Variants in MAN2C1 observed in about 807,000 individuals in gnomAD.
MAN2C1 encodes mannosidase alpha class 2C member 1.
In MAN2C1, 111 loss-of-function variants were observed where a neutral mutation model predicts 126.9. The ratio of observed to expected loss-of-function variants is 0.87; its 90% CI spans 0.75 to 1.02. The LOEUF is 1.02. MAN2C1 is among the 50% of genes least tolerant of loss of function. The pLI, the probability that MAN2C1 is intolerant of heterozygous loss-of-function variation, is 0.00. For missense variants in MAN2C1, 1,363 were observed against 1,364.4 expected (o/e 1.00, Z 0.02); for synonymous variants, 567 against 561.5 (o/e 1.01, Z -0.14).
rs374480499 is a variant in MAN2C1, at chr15:75,358,446, C to T, written c.2403+16G>A. On this transcript the variant is annotated intron_variant, in intron 20 of 25. Transcript: ENST00000267978. Reference sequence around the variant, plus strand: ...GCACACTTGGGGAAAACAGCCACCCCCTACCCCCCGACTACCTCGGTGTGG... The same window carrying T: ...GCACACTTGGGGAAAACAGCCACCCTCTACCCCCCGACTACCTCGGTGTGG... 184 of 1,613,278 alleles carry T rather than the reference C, an allele frequency of 1.1e-4. No individual in the cohort carries two copies. Among genetic ancestry groups the T allele is most frequent in the Non-Finnish European group, 1.4e-4 (170 of 1,179,824 alleles).
intron 4 of MAN2C1, 22 bp from the exon 5 acceptor site, chr15:75,364,687 C>A: frequency 6.3e-7 from 1 of 1,593,904 alleles, no homozygotes; most frequent in Non-Finnish European, 8.6e-7. Context: ...GGGAGACAGC[C>A]TCAGGCTAAG....
In MAN2C1 at chr15:75,361,125, A is replaced by C. The variant is rs933538196; in HGVS notation, c.1381T>G (p.Phe461Val). The change falls in exon 12 of 26, where the codon TTT becomes GTT. Residue 461 changes from phenylalanine (F) to valine (V), a missense_variant. Phe to Val is a conservative substitution (Grantham distance 50). Coordinates refer to ENST00000267978, the MANE Select transcript of MAN2C1 (RefSeq NM_006715.4). The surrounding 1 kb of genome is among the most constrained non-coding windows in gnomAD (Gnocchi z 5.0). ...RANHSAFLFGFGDGGGGPTQT... is the reference protein window; with the variant it reads ...RANHSAFLFGVGDGGGGPTQT... ...GTGGGGCCACCACCCCCATCCCCAAAGCCAAAGAGGAAGGCACTGTGGTTG... is the reference window on the plus strand; with the variant it reads ...GTGGGGCCACCACCCCCATCCCCAACGCCAAAGAGGAAGGCACTGTGGTTG... 6.2e-7 allele frequency: 1 copy of C among 1,613,306 alleles called. No homozygotes were observed. The highest frequency in any genetic ancestry group is 8.5e-7 in the Non-Finnish European group (1 of 1,179,818).
rs559602868 is a variant in MAN2C1 at position 75,357,043 on chromosome 15, G to A, written c.2548-141C>T. On this transcript the variant is annotated intron_variant, in intron 21 of 25. Transcript: ENST00000267978. ...CAGCTCCCACTGTACGGGGCCCTGG[G>A]CATGCCACCCAACCTGCCTAAGCCT... 12 of 648,010 alleles carry A rather than the reference G, an allele frequency of 1.9e-5. No individual in the cohort carries two copies. The Admixed American group carries it at 3.0e-4, about 16-fold the overall frequency. 40.1% of individuals were successfully genotyped at this position (648,010 alleles called of 1,614,324 possible). A position where few individuals can be genotyped will look rare whatever the true frequency, so the allele number is the denominator to read the frequency against.
At chr15:75,359,248 C>T in intron 17 of MAN2C1, 80 bp downstream of exon 17, 1 of 1,595,318 alleles carries the variant, frequency 6.3e-7, no homozygotes, top group South Asian at 1.1e-5. Context: ...CCACTTGCTC[C>T]AGACAGGGGA....
In MAN2C1 at chr15:75,358,444, C is replaced by T. The variant is rs776949552; in HGVS notation, c.2403+18G>A. On this transcript the variant is annotated intron_variant, in intron 20 of 25. Transcript: ENST00000267978. ...AAGCACACTTGGGGAAAACAGCCACCCCCTACCCCCCGACTACCTCGGTGT... is the reference window on the plus strand; with the variant it reads ...AAGCACACTTGGGGAAAACAGCCACTCCCTACCCCCCGACTACCTCGGTGT... The T allele has an allele frequency of 6.9e-5, 111 of 1,613,278 alleles. 2 individuals carry two copies. In the South Asian group the frequency reaches 9.0e-4, roughly 13 times the overall value.
Position 75,362,611 on chromosome 15 carries a change from T to C in MAN2C1, c.897+31A>G. 1 of 1,604,518 alleles carries C rather than the reference T, an allele frequency of 6.2e-7. No homozygotes were observed. Among genetic ancestry groups the C allele is most frequent in the East Asian group, 2.2e-5 (1 of 44,812 alleles). On this transcript the variant is annotated intron_variant, in intron 7 of 25. Coordinates refer to ENST00000267978, the MANE Select transcript of MAN2C1 (RefSeq NM_006715.4). The surrounding 1 kb of genome is among the most constrained non-coding windows in gnomAD (Gnocchi z 4.5). ...TGGAGCTCCAGGGAGGGCCACGTGC[T>C]TCCCTCCTCCCTCACAGCTGTCCCT...
chr15:75,356,858 C>T lies in MAN2C1; in HGVS notation c.2592G>A (p.Gly864=). The T allele has an allele frequency of 6.2e-7, 1 of 1,614,174 alleles. No homozygotes were observed. The highest frequency in any genetic ancestry group is 1.1e-5 in the South Asian group (1 of 91,092). The change falls in exon 22 of 26, where the codon GGG becomes GGA. Residue 864 remains glycine (G), a synonymous_variant. Transcript: ENST00000267978. The surrounding 1 kb of genome is among the most constrained non-coding windows in gnomAD (Gnocchi z 5.8). ...RWMDLSEHGF[G]LALLNDCKYG... is the part of the protein sequence containing the mutation. The stretch of plus-strand genomic sequence containing the variant: ...ACTTGCAGTCGTTGAGCAGGGCCAG[C>T]CCAAAGCCGTGTTCTGACAGATCCA...
At chr15:75,363,445 G>C (rs1018852455) in intron 6 of MAN2C1, among the ~76,000 whole-genome samples, 15 of 152,150 alleles carry the variant, frequency 9.9e-5, no homozygotes, top group Non-Finnish European at 8.8e-5. Flanking sequence ...TCTGCCTGCT[G>C]AATCTGTCTC....
intron 4 of MAN2C1, chr15:75,365,912 C>T (rs1406854802): frequency 4.6e-6 from 2 of 438,838 alleles, no homozygotes; most frequent in Non-Finnish European, 9.0e-6. Flanking sequence ...CGGTGAAACC[C>T]TTTCTCTACC....
At chr15:75,359,303 G>A (rs749405844) in intron 17 of MAN2C1, 25 bp downstream of exon 17, 20 of 1,576,278 alleles carry the variant, frequency 1.3e-5, no homozygotes, top group Admixed American at 5.3e-5. Flanking sequence ...CACAGTTCCT[G>A]CCCCCCAGGG....
At position 75,356,647 on chromosome 15, in the gene MAN2C1, G is replaced by A. The variant is rs779310828; in HGVS notation, c.2696C>T (p.Thr899Met). The A allele has an allele frequency of 1.0e-5, 16 of 1,576,056 alleles. No homozygotes were observed. Among genetic ancestry groups the A allele is most frequent in the East Asian group, 2.3e-5 (1 of 42,812 alleles). Reference protein sequence around the residue: ...APKAPDATADTGRHEFTYALM... With the variant: ...APKAPDATADMGRHEFTYALM... ...TGCATAGGTGAACTCGTGGCGCCCCGTGTCAGCAGTAGCGTCCGGGGCTTT... is the reference window on the plus strand; with the variant it reads ...TGCATAGGTGAACTCGTGGCGCCCCATGTCAGCAGTAGCGTCCGGGGCTTT... Residue 899 changes from threonine (T) to methionine (M), a missense_variant, in exon 23 of 26, where the codon ACG becomes ATG. Around this residue, in one of 3 missense-constraint regions of MAN2C1, gnomAD observed 668 missense variants for 650.1 expected, o/e 1.03. Transcript: ENST00000267978. The surrounding 1 kb of genome is among the most constrained non-coding windows in gnomAD (Gnocchi z 5.8).
chr15:75,356,979 T>C lies in MAN2C1; in HGVS notation c.2548-77A>G. ...TCCCAGACTCCAGAGCTCCTGTCAC[T>C]AGGCCGAGCACAAGCTCTAGAACCA... is the stretch of plus-strand genomic sequence containing the variant. On this transcript the variant is annotated intron_variant, in intron 21 of 25. Coordinates refer to ENST00000267978, the MANE Select transcript of MAN2C1 (RefSeq NM_006715.4). This position sits in a 1 kb window ranked among gnomAD's most constrained non-coding sequence, Gnocchi z 5.8. 8.3e-7 allele frequency: 1 copy of C among 1,206,238 alleles called. No individual in the cohort carries two copies. The highest frequency in any genetic ancestry group is 1.5e-5 in the African/African-American group (1 of 67,380). The allele number at this position is 1,206,238 out of a possible 1,614,324, so 74.7% of individuals were successfully genotyped here. A position where few individuals can be genotyped will look rare whatever the true frequency, so the allele number is the denominator to read the frequency against.
chr15:75,358,364 T>G lies in MAN2C1; in HGVS notation c.2404-20A>C, dbSNP rs1408695871. The G allele has an allele frequency of 3.7e-6, 6 of 1,613,560 alleles. No individual in the cohort carries two copies. Among genetic ancestry groups the G allele is most frequent in the Non-Finnish European group, 5.1e-6 (6 of 1,179,918 alleles). On this transcript the variant is annotated intron_variant, in intron 20 of 25. Coordinates refer to ENST00000267978, the MANE Select transcript of MAN2C1 (RefSeq NM_006715.4). ...GTGTACCTGGGAGTGGGAAGGAGGG[T>G]GGGAGTCAGGGAAGGAAGAGACACA...
intron 3 of MAN2C1, 38 bp downstream of exon 3, chr15:75,367,473 A>G (rs1467132317): frequency 1.2e-6 from 2 of 1,608,556 alleles, no homozygotes; most frequent in Admixed American, 1.7e-5. Context: ...TCAGGGCTGA[A>G]ATGTGGCCAT....
In MAN2C1 at chr15:75,362,680, T is replaced by G; in HGVS notation, c.859A>C (p.Met287Leu). 8 of 1,614,128 alleles carry G rather than the reference T, an allele frequency of 5.0e-6. No homozygotes were observed. Among genetic ancestry groups the G allele is most frequent in the Non-Finnish European group, 6.8e-6 (8 of 1,180,010 alleles). The change falls in exon 7 of 26, where the codon ATG becomes CTG. Residue 287 changes from methionine to leucine, a missense_variant. Transcript: ENST00000267978. The surrounding 1 kb of genome is among the most constrained non-coding windows in gnomAD (Gnocchi z 4.5). ...ARSWVTALQL[M>L]ERNPEFIFAC... is the part of the protein sequence containing the mutation. ...AAGATGAACTCAGGGTTCCGCTCCA[T>G]GAGCTGCAGGGCGGTCACCCAGCTC... is the stretch of plus-strand genomic sequence containing the variant.
In MAN2C1 at chr15:75,359,901, AC is replaced by A. The variant is rs1239371864; in HGVS notation, c.1792+1del. 1 of 1,612,118 alleles carries A rather than the reference AC, an allele frequency of 6.2e-7. No homozygotes were observed. The highest frequency in any genetic ancestry group is 8.5e-7 in the Non-Finnish European group (1 of 1,179,060). ...AGCAGGCAGGACTATTGTGAGCCTAACCTTCATAATGGCACATGGCTTCCTC... is the reference window on the plus strand; with the variant it reads ...AGCAGGCAGGACTATTGTGAGCCTAACTTCATAATGGCACATGGCTTCCTC... On this transcript the variant is annotated splice_donor_variant, in intron 15 of 25. Coordinates refer to ENST00000267978, the MANE Select transcript of MAN2C1 (RefSeq NM_006715.4). LOFTEE classifies it high-confidence loss of function.
At position 75,359,965 on chromosome 15, in the gene MAN2C1, T is replaced by C; in HGVS notation, c.1730A>G (p.His577Arg). Residue 577 changes from histidine to arginine, a missense_variant, in exon 15 of 26, where the codon CAT (histidine) becomes CGT (arginine). His to Arg is a conservative substitution (Grantham distance 29, BLOSUM62 0). This residue lies in a region of MAN2C1 where 668 missense variants were observed against 650.1 expected (regional missense o/e 1.03). Transcript: ENST00000267978. ...GATGCAGCTTCCAGTCACCACATCA[T>C]GGAACTGGTTCAGAAGAAGGAGCCT... Reference protein sequence around the residue: ...LWRLLLLNQFHDVVTGSCIQM... With the variant: ...LWRLLLLNQFRDVVTGSCIQM... 2 of 1,613,878 alleles carry C rather than the reference T, an allele frequency of 1.2e-6. No homozygotes were observed. The highest frequency in any genetic ancestry group is 1.7e-6 in the Non-Finnish European group (2 of 1,179,874).
Position 75,361,618 on chromosome 15 carries a change from C to T in MAN2C1, c.1204G>A (p.Val402Met). The change falls in exon 10 of 26, where the codon GTG becomes ATG. Residue 402 changes from valine (V) to methionine (M), a missense_variant. Val to Met is a conservative substitution (Grantham distance 21). This residue lies in a region of MAN2C1 where 628 missense variants were observed against 609.8 expected (regional missense o/e 1.03). Transcript: ENST00000267978. This position sits in a 1 kb window ranked among gnomAD's most constrained non-coding sequence, Gnocchi z 5.0. ...GGCCTGCTTACTGGGAAGGAGTTCA[C>T]CAAATTCCAGCTCAATTTCTGGGTG... ...FLTQKLSWNL[V>M]NSFPHHTFFW... 1 of 1,613,878 alleles carries T rather than the reference C, an allele frequency of 6.2e-7. No individual in the cohort carries two copies. Among genetic ancestry groups the T allele is most frequent in the Non-Finnish European group, 8.5e-7 (1 of 1,179,910 alleles).
chr15:75,358,433 A>G, intron 20 of MAN2C1, 29 bp downstream of exon 20: 1 of 1,612,930 alleles, frequency 6.2e-7, no homozygotes, highest in Non-Finnish European at 8.5e-7. Context: ...ACACTTGGGG[A>G]AAACAGCCAC....
Sources: gnomAD v4.1 joint callset for allele counts (sites outside exome capture counted in the v4.1 genomes callset) on GRCh38, gnomAD v4.1.1 for gene constraint, gnomAD v4.1.1 regional missense constraint, Gnocchi (gnomAD v3.1) non-coding constraint, MANE v1.5 for transcripts, NCBI Gene and HGNC (gene_info 2026-07-23, HGNC 2026-07-21) for gene names.